Variants in ARHGAP23 observed in about 807,000 individuals in gnomAD.
The protein encoded by ARHGAP23 is rho GTPase-activating protein 23.
ARHGAP23 carries 34 observed loss-of-function variants against 136.3 expected under a neutral mutation model. The ratio of observed to expected loss-of-function variants is 0.25; its 90% confidence interval spans 0.19 to 0.33. ARHGAP23 has a LOEUF of 0.33. Among genes scored for constraint, ARHGAP23 ranks in the 10% least tolerant of loss-of-function variants. ARHGAP23 has a pLI of 1.00. For synonymous variants in ARHGAP23, 832 were observed against 920.5 expected (o/e 0.90, Z 1.74); for missense variants, 1,808 against 2,139.0 (o/e 0.85, Z 3.05).
intron 17 of ARHGAP23, among the ~76,000 whole-genome samples, chr17:38,487,034 C>T (rs558639003): frequency 6.6e-6 from 1 of 152,314 alleles, no homozygotes; most frequent in East Asian, 1.9e-4. Flanking sequence ...CGTTTTCCAG[C>T]TTCCATGGCG....
chr17:38,495,228 CTTTTTTT>C (rs11295890), intron 20 of ARHGAP23, among the ~76,000 whole-genome samples: 4 of 135,490 alleles, frequency 3.0e-5, no homozygotes, highest in Admixed American at 7.5e-5. Context: ...TTTTCTTTTT[CTTTTTTT>C]TTTTTTTTTT....
chr17:38,499,222 CCA>C (rs1471558449), intron 22 of ARHGAP23, among the ~76,000 whole-genome samples: 1 of 152,258 alleles, frequency 6.6e-6, no homozygotes, highest in Non-Finnish European at 1.5e-5. Flanking sequence ...TCCTGCAGTG[CCA>C]CAGACCCTGC....
chr17:38,458,321 C>G (rs2039379670), intron 2 of ARHGAP23, 58 bp downstream of exon 2: 2 of 1,451,620 alleles, frequency 1.4e-6, no homozygotes, highest in Non-Finnish European at 1.8e-6. Context: ...GAGGGAGACT[C>G]TTTTGTGCCA....
chr17:38,482,059 C>A lies in ARHGAP23; in HGVS notation c.2667C>A (p.Ile889=). The change falls in exon 15 of 24, where the codon ATC becomes ATA. Residue 889 remains isoleucine, a synonymous_variant. Transcript: ENST00000622683. ...SAAAPKTPWG[I]NIIKKNKKAA... is the part of the protein sequence containing the mutation. ...CAGCCCCCAAAACCCCCTGGGGCAT[C>A]AACATCATCAAGAAAAATAAGAAGG... 6.5e-7 allele frequency: 1 copy of A among 1,549,828 alleles called. No individual in the cohort carries two copies. Among genetic ancestry groups the A allele is most frequent in the Non-Finnish European group, 8.7e-7 (1 of 1,146,306 alleles).
chr17:38,510,110 C>T lies in ARHGAP23; in HGVS notation c.3614C>T (p.Thr1205Ile). The change falls in exon 24 of 24, where the codon ACA becomes ATA. Residue 1205 changes from threonine to isoleucine, a missense_variant. Thr to Ile is a moderately conservative substitution (Grantham distance 89). Transcript: ENST00000622683. The surrounding 1 kb of genome is among the most constrained non-coding windows in gnomAD (Gnocchi z 4.6). Reference protein sequence around the residue: ...QEAHKPGAGATAPGTQERPQG... With the variant: ...QEAHKPGAGAIAPGTQERPQG... Reference sequence around the variant, plus strand: ...GCGCACAAGCCTGGGGCGGGGGCCACAGCGCCGGGGACTCAGGAGCGGCCG... The same window carrying T: ...GCGCACAAGCCTGGGGCGGGGGCCATAGCGCCGGGGACTCAGGAGCGGCCG... The T allele has an allele frequency of 8.0e-7, 1 of 1,250,044 alleles. No individual in the cohort carries two copies. Among genetic ancestry groups the T allele is most frequent in the East Asian group, 3.1e-5 (1 of 31,842 alleles). The allele number at this position is 1,250,044 out of a possible 1,614,324, so 77.4% of individuals were successfully genotyped here.
intron 1 of ARHGAP23, among the ~76,000 whole-genome samples, chr17:38,442,031 A>G (rs7225808): frequency 0.049 from 7,443 of 151,702 alleles, 636 homozygotes; most frequent in African/African-American, 0.17. Flanking sequence ...ACCATGGCTC[A>G]CTGCAGCCTT....
chr17:38,459,134 C>T (rs2039399934), intron 2 of ARHGAP23, among the ~76,000 whole-genome samples: 1 of 152,190 alleles, frequency 6.6e-6, no homozygotes, highest in Admixed American at 6.5e-5. Context: ...ACTGATTTTG[C>T]AGTGAATGAA....
intron 1 of ARHGAP23, among the ~76,000 whole-genome samples, chr17:38,420,048 G>T (rs1386640908): frequency 6.6e-6 from 1 of 152,182 alleles, no homozygotes; most frequent in Non-Finnish European, 1.5e-5. Context: ...TTTTGGGAGG[G>T]GGGTGCTGCC....
intron 6 of ARHGAP23, among the ~76,000 whole-genome samples, chr17:38,463,759 T>G (rs1354042880): frequency 6.6e-6 from 1 of 152,012 alleles, no homozygotes; most frequent in Non-Finnish European, 1.5e-5. Flanking sequence ...CGAGCACACA[T>G]CGAACACTGC....
At chr17:38,430,636 T>A (rs1336011569) in intron 1 of ARHGAP23, among the ~76,000 whole-genome samples, 2 of 152,160 alleles carry the variant, frequency 1.3e-5, no homozygotes, top group African/African-American at 4.8e-5. Flanking sequence ...TGTGAGGGAC[T>A]GCAGTTAGAT....
chr17:38,459,750 C>T (rs1036711211), intron 2 of ARHGAP23, among the ~76,000 whole-genome samples: 1 of 152,214 alleles, frequency 6.6e-6, no homozygotes, highest in Non-Finnish European at 1.5e-5. Context: ...TCCCGTCCTT[C>T]ATGCTGCCAC....
At chr17:38,466,031 CTCT>C in intron 6 of ARHGAP23, 133 bp from the exon 7 acceptor site, 1 of 623,286 alleles carries the variant, frequency 1.6e-6, no homozygotes, top group Non-Finnish European at 2.5e-6. Context: ...CCACTTATGC[CTCT>C]CCCTCGTTCC....
intron 1 of ARHGAP23, among the ~76,000 whole-genome samples, chr17:38,443,834 T>G (rs910115125): frequency 6.6e-6 from 1 of 152,026 alleles, no homozygotes; most frequent in African/African-American, 2.4e-5. Flanking sequence ...AGCTCTTGCC[T>G]GAAGGAAACC....
At chr17:38,432,990 T>C (rs1270515685) in intron 1 of ARHGAP23, among the ~76,000 whole-genome samples, 1 of 152,258 alleles carries the variant, frequency 6.6e-6, no homozygotes, top group East Asian at 1.9e-4. Flanking sequence ...TCTTGTTCTG[T>C]TGCTCAGGCT....
intron 1 of ARHGAP23, chr17:38,457,869 C>T: frequency 5.1e-6 from 3 of 593,092 alleles, no homozygotes; most frequent in Non-Finnish European, 3.0e-6. Flanking sequence ...AGGGCAAAGA[C>T]ATTATGAGGG....
chr17:38,429,170 C>T (rs571708006), intron 1 of ARHGAP23, among the ~76,000 whole-genome samples: 5 of 152,348 alleles, frequency 3.3e-5, no homozygotes, highest in East Asian at 1.9e-4. Context: ...GCTGCCCTCC[C>T]CTCTGCCCTC....
rs2040717381 is a variant in ARHGAP23, at chr17:38,509,945, G to A, written c.3449G>A (p.Gly1150Asp). ...STTCSSAKSK[G>D]SWAPKKEPYA... ...CATCCTGACCTGTCTCCCACACAGG[G>A]TTCGTGGGCCCCCAAGAAGGAGCCG... is the stretch of plus-strand genomic sequence containing the variant. The change falls in exon 24 of 24, where the codon GGT becomes GAT. Residue 1150 changes from glycine (G) to aspartate (D), a missense_variant and splice_region_variant. Around this residue, in one of 7 missense-constraint regions of ARHGAP23, gnomAD observed 104 missense variants for 131.8 expected, o/e 0.79. Transcript: ENST00000622683. 1 of 1,249,974 alleles carries A rather than the reference G, an allele frequency of 8.0e-7. No individual in the cohort carries two copies. Among genetic ancestry groups the A allele is most frequent in the South Asian group, 3.9e-5 (1 of 25,366 alleles). The allele number at this position is 1,249,974 out of a possible 1,614,324, so 77.4% of individuals were successfully genotyped here.
intron 1 of ARHGAP23, among the ~76,000 whole-genome samples, chr17:38,448,727 C>A (rs2039090565): frequency 6.6e-6 from 1 of 150,550 alleles, no homozygotes; most frequent in African/African-American, 2.5e-5. Context: ...CTCACTGCAC[C>A]CTTGACTTCC....
intron 2 of ARHGAP23, among the ~76,000 whole-genome samples, chr17:38,458,685 C>T (rs531645121): frequency 4.6e-5 from 7 of 152,196 alleles, no homozygotes; most frequent in Non-Finnish European, 7.4e-5. Context: ...CCCTCTCCAG[C>T]GTGAGCTCTC....
Sources: allele counts gnomAD v4.1 joint callset (sites outside exome capture counted in the v4.1 genomes callset), GRCh38; gene constraint gnomAD v4.1.1; regional missense constraint gnomAD v4.1.1; non-coding constraint Gnocchi (gnomAD v3.1); transcripts MANE v1.5; gene names NCBI Gene and HGNC (gene_info 2026-07-23, HGNC 2026-07-21).